PRKCE: variants seen among roughly 807,000 people sequenced by gnomAD.
The protein encoded by PRKCE is protein kinase C epsilon type.
PRKCE carries 16 observed loss-of-function variants against 85.4 expected under a neutral mutation model. The observed-to-expected ratio is 0.19, with a 90% confidence interval of 0.13 to 0.28. The LOEUF is 0.28. PRKCE is among the 10% of genes least tolerant of loss of function. The pLI is 1.00. For synonymous variants in PRKCE, 388 were observed against 371.5 expected (o/e 1.04, Z -0.51); for missense variants, 573 against 975.2 (o/e 0.59, Z 5.49).
rs535241631 is a variant in PRKCE at position 46,040,584 on chromosome 2, G to T, written c.1437+30067G>T. ...TAGGACTTCCAGGGACACTTAACAG[G>T]ATGTAGGGAGAGCCCCACACCAGAA... On this transcript the variant is annotated intron_variant, in intron 10 of 14. Coordinates refer to ENST00000306156, the MANE Select transcript of PRKCE (RefSeq NM_005400.3). Among the ~76,000 whole-genome samples the T allele has an allele frequency of 1.2e-4, 18 of 152,296 alleles. No individual in the cohort carries two copies. The East Asian group carries it at 3.5e-3, about 29-fold the overall frequency.
intron 1 of PRKCE, among the ~76,000 whole-genome samples, chr2:45,751,807 C>CTCTTT (rs1444919980): frequency 8.1e-6 from 1 of 124,216 alleles, no homozygotes; most frequent in African/African-American, 3.5e-5. Context: ...AAGCTAACCA[C>CTCTTT]TATTTTTTTT....
At chr2:45,919,022 G>C (rs893183751) in intron 2 of PRKCE, among the ~76,000 whole-genome samples, 2 of 152,190 alleles carry the variant, frequency 1.3e-5, no homozygotes, top group African/African-American at 2.4e-5. Context: ...CACCTGGAGA[G>C]GGTGTCAGAA....
intron 1 of PRKCE, among the ~76,000 whole-genome samples, chr2:45,686,062 T>G (rs1358517114): frequency 6.6e-6 from 1 of 152,168 alleles, no homozygotes; most frequent in Non-Finnish European, 1.5e-5. Context: ...TGCCTTATCT[T>G]GTATATGTCC....
At chr2:45,742,270 A>G (rs1399038337) in intron 1 of PRKCE, among the ~76,000 whole-genome samples, 1 of 152,054 alleles carries the variant, frequency 6.6e-6, no homozygotes, top group Non-Finnish European at 1.5e-5. Flanking sequence ...AAAAAACACC[A>G]CACAACTGGA....
intron 2 of PRKCE, among the ~76,000 whole-genome samples, chr2:45,906,230 C>G (rs534004517): frequency 1.3e-5 from 2 of 152,188 alleles, no homozygotes; most frequent in African/African-American, 4.8e-5. Flanking sequence ...TTTGGATCAC[C>G]GCTGGTGTGC....
At chr2:45,805,596 C>CTTTT (rs529307964) in intron 1 of PRKCE, among the ~76,000 whole-genome samples, 6 of 142,604 alleles carry the variant, frequency 4.2e-5, no homozygotes, top group African/African-American at 5.2e-5. Context: ...TTACCTTCCT[C>CTTTT]TTTTTTTTTT....
chr2:46,022,121 G>T (rs539816386), intron 10 of PRKCE, among the ~76,000 whole-genome samples: 1 of 152,210 alleles, frequency 6.6e-6, no homozygotes, highest in Admixed American at 6.5e-5. Context: ...CCCTGTTGAC[G>T]TGTGGGAAAC....
chr2:46,176,049 T>C lies in PRKCE; in HGVS notation c.2068-8686T>C, dbSNP rs1558530856. On this transcript the variant is annotated intron_variant, in intron 14 of 14. Coordinates refer to ENST00000306156, the MANE Select transcript of PRKCE (RefSeq NM_005400.3). ...TCTCAGGTGTCTAAATGGCTGTGTT[T>C]GGTTTTTATGCACAGCCAGGATTGA... Among the ~76,000 whole-genome samples, 3 of 152,234 alleles carry C rather than the reference T, an allele frequency of 2.0e-5. No homozygotes were observed. The South Asian group carries it at 6.2e-4, about 32-fold the overall frequency.
chr2:45,779,201 A>G lies in PRKCE; in HGVS notation c.349-63799A>G, dbSNP rs1207740736. Among the ~76,000 whole-genome samples the G allele has an allele frequency of 2.0e-5, 3 of 152,182 alleles. No homozygotes were observed. The East Asian group carries it at 5.8e-4, about 29-fold the overall frequency. ...TGGGGATTGTGGCCTGTTTTCCTCT[A>G]AGAATGCGCTGTCCAGACACAGTGG... On this transcript the variant is annotated intron_variant, in intron 1 of 14. Transcript: ENST00000306156.
At chr2:45,855,630 T>A (rs1692612197) in intron 2 of PRKCE, among the ~76,000 whole-genome samples, 1 of 152,236 alleles carries the variant, frequency 6.6e-6, no homozygotes, top group Non-Finnish European at 1.5e-5. Context: ...CCCTTGACTT[T>A]AGGGGAAACA....
intron 2 of PRKCE, among the ~76,000 whole-genome samples, chr2:45,870,459 C>T (rs985425439): frequency 6.6e-6 from 1 of 152,230 alleles, no homozygotes; most frequent in Admixed American, 6.5e-5. Flanking sequence ...TGTATTTTAA[C>T]ATCAGCTATT....
Position 46,004,631 on chromosome 2 carries a change from T to G in PRKCE, c.1056T>G (p.Cys352Trp). 1 of 1,580,902 alleles carries G rather than the reference T, an allele frequency of 6.3e-7. No individual in the cohort carries two copies. The highest frequency in any genetic ancestry group is 1.1e-5 in the South Asian group (1 of 87,520). ...CCAAGTCAGCACCCACCTCCCCTTG[T>G]GACCAGGGTGAGACCCTCAGATTTG... ...DRSKSAPTSP[C>W]DQEIKELENN... Residue 352 changes from cysteine (C) to tryptophan (W), a missense_variant, in exon 8 of 15, where the codon TGT becomes TGG. Cys to Trp is a radical substitution (Grantham distance 215, BLOSUM62 -2). Transcript: ENST00000306156. This position sits in a 1 kb window ranked among gnomAD's most constrained non-coding sequence, Gnocchi z 4.1.
chr2:46,087,407 C>T (rs1399625451), intron 11 of PRKCE, among the ~76,000 whole-genome samples: 1 of 152,154 alleles, frequency 6.6e-6, no homozygotes, highest in African/African-American at 2.4e-5. Context: ...TATCCAGGTC[C>T]TAACCCTTGA....
intron 10 of PRKCE, among the ~76,000 whole-genome samples, chr2:46,064,935 A>G (rs1246933324): frequency 6.6e-6 from 1 of 152,214 alleles, no homozygotes; most frequent in East Asian, 1.9e-4. Flanking sequence ...ACCAAGCCCA[A>G]GCTTTCTGTA....
At chr2:45,921,003 C>T (rs748632339) in intron 2 of PRKCE, among the ~76,000 whole-genome samples, 1 of 152,196 alleles carries the variant, frequency 6.6e-6, no homozygotes, top group Non-Finnish European at 1.5e-5. Flanking sequence ...ATCCCTACAT[C>T]GGTGAGCTGA....
At chr2:45,884,977 A>T (rs200736227) in intron 2 of PRKCE, among the ~76,000 whole-genome samples, 13,122 of 80,910 alleles carry the variant, frequency 0.16, 1,923 homozygotes, top group East Asian at 0.64. Context: ...ATATATATAT[A>T]TATATATATA....
At chr2:45,869,066 A>T (rs927041937) in intron 2 of PRKCE, among the ~76,000 whole-genome samples, 2 of 152,086 alleles carry the variant, frequency 1.3e-5, no homozygotes, top group African/African-American at 4.8e-5. Context: ...AAAAAAGTTC[A>T]TTTGGTGCAT....
intron 11 of PRKCE, among the ~76,000 whole-genome samples, chr2:46,093,118 G>T (rs1346557710): frequency 6.6e-6 from 1 of 152,104 alleles, no homozygotes; most frequent in Non-Finnish European, 1.5e-5. Context: ...ATCCATTATA[G>T]AAAATGATAT....
At chr2:45,743,175 T>C (rs1385077741) in intron 1 of PRKCE, among the ~76,000 whole-genome samples, 2 of 152,018 alleles carry the variant, frequency 1.3e-5, no homozygotes, top group Non-Finnish European at 2.9e-5. Context: ...GATGAATAAG[T>C]TCTGGAAACC....
Sources: allele counts gnomAD v4.1 joint callset (sites outside exome capture counted in the v4.1 genomes callset), GRCh38; gene constraint gnomAD v4.1.1; non-coding constraint Gnocchi (gnomAD v3.1); transcripts MANE v1.5; gene names NCBI Gene and HGNC (gene_info 2026-07-23, HGNC 2026-07-21).